CCDC137: variants seen among roughly 807,000 people sequenced by gnomAD.
The protein encoded by CCDC137 is coiled-coil domain containing 137.
A neutral mutation model predicts 30.4 loss-of-function variants in CCDC137; 24 were observed. That is an observed-to-expected ratio of 0.79 (90% confidence interval 0.57 to 1.11). CCDC137 has a LOEUF of 1.11. CCDC137 is among the 50% of genes least tolerant of loss of function. The probability of loss-of-function intolerance (pLI) is 0.00; values close to 1 mark genes in which losing one functional copy is unlikely to be tolerated. For synonymous variants in CCDC137, 182 were observed against 155.7 expected, an observed-to-expected ratio of 1.17 and a Z score of -1.26; for missense variants, 417 against 380.4, an observed-to-expected ratio of 1.10 and a Z score of -0.80.
Position 81,666,753 on chromosome 17 carries a change from C to G in CCDC137, c.-14C>G, listed in dbSNP as rs746276545. ...GGCGGAAGTGGCTTCGCTAGGGAGC[C>G]TCCCGGCGTGGAGATGGCGGGAGCT... On this transcript the variant is annotated 5_prime_UTR_variant, in exon 1 of 6. Coordinates refer to ENST00000329214, the MANE Select transcript of CCDC137 (RefSeq NM_199287.3). 3 of 1,457,248 alleles carry G rather than the reference C, an allele frequency of 2.1e-6. No homozygotes were observed. The highest frequency in any genetic ancestry group is 2.8e-5 in the South Asian group (2 of 70,392). The allele number at this position is 1,457,248 out of a possible 1,614,324, so 90.3% of individuals were successfully genotyped here. A position where few individuals can be genotyped will look rare whatever the true frequency, so the allele number is the denominator to read the frequency against.
At chr17:81,670,537 C>A in intron 3 of CCDC137, 84 bp downstream of exon 3, 1 of 1,204,626 alleles carries the variant, frequency 8.3e-7, no homozygotes, top group Non-Finnish European at 1.2e-6. Flanking sequence ...TCTGCAGGTA[C>A]CCTGTTTCAT....
chr17:81,672,789 GCC>G lies in CCDC137; in HGVS notation c.*86_*87del. Reference sequence around the variant, plus strand: ...CCTGGGTAGGAGAGAGGCAGGCCATGCCAGCAGTGTGGGGTGAGGCCTCCAGC... The same window carrying G: ...CCTGGGTAGGAGAGAGGCAGGCCATGAGCAGTGTGGGGTGAGGCCTCCAGC... On this transcript the variant is annotated 3_prime_UTR_variant, in exon 6 of 6. Transcript: ENST00000329214. 3 of 1,316,028 alleles carry G rather than the reference GCC, an allele frequency of 2.3e-6. No individual in the cohort carries two copies. The highest frequency in any genetic ancestry group is 3.1e-6 in the Non-Finnish European group (3 of 972,232). 81.5% of individuals were successfully genotyped at this position (1,316,028 alleles called of 1,614,324 possible).
intron 1 of CCDC137, 30 bp from the exon 2 acceptor site, chr17:81,667,699 C>A (rs780762835): frequency 5.6e-6 from 9 of 1,611,154 alleles, no homozygotes; most frequent in Non-Finnish European, 7.6e-6. Flanking sequence ...TTACTTGGGA[C>A]GGGTCTCACC....
chr17:81,672,386 C>A (rs900498196), intron 5 of CCDC137, 109 bp from the exon 6 acceptor site: 19 of 1,108,136 alleles, frequency 1.7e-5, no homozygotes, highest in Non-Finnish European at 2.2e-5. Context: ...TGGTGTGTGG[C>A]CTGAGAGTGC....
intron 3 of CCDC137, 145 bp from the exon 4 acceptor site, chr17:81,671,599 A>C (rs2036720140): frequency 5.7e-6 from 4 of 703,384 alleles, no homozygotes; most frequent in Admixed American, 2.4e-5. Context: ...TGGGGTGGTA[A>C]GGGGAGCGGG....
rs1012241003 is a variant in CCDC137, at chr17:81,667,873, G to T, written c.268+11G>T. 1 of 1,609,862 alleles carries T rather than the reference G, an allele frequency of 6.2e-7. No homozygotes were observed. The highest frequency in any genetic ancestry group is 1.3e-5 in the African/African-American group (1 of 74,764). Reference sequence around the variant, plus strand: ...AGAGGAAGAAAGCAGGTGTGTGCAGGCCCATACTGGGCGGCAGTGAAGCTT... The same window carrying T: ...AGAGGAAGAAAGCAGGTGTGTGCAGTCCCATACTGGGCGGCAGTGAAGCTT... On this transcript the variant is annotated intron_variant, in intron 2 of 5. Coordinates refer to ENST00000329214, the MANE Select transcript of CCDC137 (RefSeq NM_199287.3).
At chr17:81,672,454 C>A in intron 5 of CCDC137, 41 bp from the exon 6 acceptor site, 1 of 1,530,616 alleles carries the variant, frequency 6.5e-7, no homozygotes. Flanking sequence ...TGCATCCCCT[C>A]CTTTCCCAGC....
chr17:81,672,478 T>G lies in CCDC137; in HGVS notation c.661-17T>G, dbSNP rs766757722. On this transcript the variant is annotated splice_polypyrimidine_tract_variant and intron_variant, in intron 5 of 5. Coordinates refer to ENST00000329214, the MANE Select transcript of CCDC137 (RefSeq NM_199287.3). ...TCCTTTCCCAGCCTGTGCCTCACCC[T>G]CCCCTCTCTCCCTCAGCCTGGCAGG... 40 of 1,548,246 alleles carry G rather than the reference T, an allele frequency of 2.6e-5. No homozygotes were observed. The highest frequency in any genetic ancestry group is 3.3e-5 in the Non-Finnish European group (38 of 1,146,236).
chr17:81,670,339 G>T lies in CCDC137; in HGVS notation c.383G>T (p.Arg128Leu), dbSNP rs200920452. 13 of 1,613,842 alleles carry T rather than the reference G, an allele frequency of 8.1e-6. No homozygotes were observed. The highest frequency in any genetic ancestry group is 2.2e-5 in the East Asian group (1 of 44,896). Residue 128 changes from arginine (R) to leucine (L), a missense_variant, in exon 3 of 6, where the codon CGC becomes CTC. Physicochemically the swap from Arg to Leu is moderately radical, Grantham distance 102. Coordinates refer to ENST00000329214, the MANE Select transcript of CCDC137 (RefSeq NM_199287.3). ...GAGTCTGACGGGGCCTATATCCACCGCATGCAGCAAGAGGCCCAGCATGTG... is the reference window on the plus strand; with the variant it reads ...GAGTCTGACGGGGCCTATATCCACCTCATGCAGCAAGAGGCCCAGCATGTG... ...KGESDGAYIHRMQQEAQHVLF... is the reference protein window; with the variant it reads ...KGESDGAYIHLMQQEAQHVLF...
intron 5 of CCDC137, among the ~76,000 whole-genome samples, 168 bp downstream of exon 5, chr17:81,672,323 G>C (rs2036728633): frequency 6.6e-6 from 1 of 151,544 alleles, no homozygotes; most frequent in African/African-American, 2.4e-5. Flanking sequence ...GGACAACATA[G>C]CGAGATCCTG....
At position 81,672,698 on chromosome 17, in the gene CCDC137, G is replaced by A; in HGVS notation, c.864G>A (p.Gln288=). 1 of 1,585,878 alleles carries A rather than the reference G, an allele frequency of 6.3e-7. No individual in the cohort carries two copies. Among genetic ancestry groups the A allele is most frequent in the Non-Finnish European group, 8.6e-7 (1 of 1,167,130 alleles). The change falls in exon 6 of 6, where the codon CAG becomes CAA. Residue 288 remains glutamine (Q), a synonymous_variant. Coordinates refer to ENST00000329214, the MANE Select transcript of CCDC137 (RefSeq NM_199287.3). ...HLTSRKKPEP[Q]L is the part of the protein sequence containing the mutation. ...CTTCCCGGAAGAAGCCAGAGCCGCA[G>A]CTGTGATGGAGAGACACCCGGGGCC...
rs748481835 is a variant in CCDC137, at chr17:81,670,355, C to A, written c.399C>A (p.Ala133=). Residue 133 remains alanine (A), a synonymous_variant, in exon 3 of 6, where the codon GCC becomes GCA. Coordinates refer to ENST00000329214, the MANE Select transcript of CCDC137 (RefSeq NM_199287.3). The part of the protein sequence containing the change: ...GAYIHRMQQE[A]QHVLFLSKNQ... The stretch of plus-strand genomic sequence containing the variant: ...ATATCCACCGCATGCAGCAAGAGGC[C>A]CAGCATGTGCTGTTCCTCAGCAAGA... 1 of 1,613,790 alleles carries A rather than the reference C, an allele frequency of 6.2e-7. No homozygotes were observed. Among genetic ancestry groups the A allele is most frequent in the Admixed American group, 1.7e-5 (1 of 60,000 alleles).
At chr17:81,671,562 C>T (rs2036719774) in intron 3 of CCDC137, 182 bp from the exon 4 acceptor site, 5 of 600,428 alleles carry the variant, frequency 8.3e-6, no homozygotes, top group Non-Finnish European at 1.5e-5. Context: ...GGGGTCAGAG[C>T]CTTCTTTGGT....
Position 81,670,289 on chromosome 17 carries a change from C to T in CCDC137, c.333C>T (p.Val111=). The change falls in exon 3 of 6, where the codon GTC becomes GTT. Residue 111 remains valine (V), a synonymous_variant. Transcript: ENST00000329214. The part of the protein sequence containing the change: ...EAKGEEPDIA[V]PKFKQRKGES... ...AGGGAGAGGAGCCCGACATCGCAGT[C>T]CCCAAGTTCAAACAGAGGAAGGGGG... is the stretch of plus-strand genomic sequence containing the variant. 1.2e-6 allele frequency: 2 copies of T among 1,614,054 alleles called. No individual in the cohort carries two copies. Among genetic ancestry groups the T allele is most frequent in the Non-Finnish European group, 1.7e-6 (2 of 1,180,036 alleles).
chr17:81,670,199 C>T, intron 2 of CCDC137, 26 bp from the exon 3 acceptor site: 8 of 1,587,766 alleles, frequency 5.0e-6, no homozygotes, highest in Middle Eastern at 1.7e-4. Context: ...CCTCCTGCCT[C>T]CTCTGAGGCC....
intron 1 of CCDC137, 116 bp downstream of exon 1, chr17:81,667,016 C>T (rs2036641515): frequency 9.1e-7 from 1 of 1,094,516 alleles, no homozygotes; most frequent in African/African-American, 1.6e-5. Flanking sequence ...AGGTCGGGCT[C>T]AGTGCCCTCC....
In CCDC137 at chr17:81,673,082, C is replaced by T. The variant is rs2036741392; in HGVS notation, c.*378C>T. 1.7e-5 allele frequency: 5 copies of T among 290,898 alleles called. No individual in the cohort carries two copies. The highest frequency in any genetic ancestry group is 8.3e-5 in the East Asian group (1 of 12,022). The allele number at this position is 290,898 out of a possible 1,614,324, so 18.0% of individuals were successfully genotyped here. A position where few individuals can be genotyped will look rare whatever the true frequency, so the allele number is the denominator to read the frequency against. ...GGAGGCCCCCGGGAGTCAGCAGAGC[C>T]GAGCGTACAGTGCACATCAGGCAGA... is the stretch of plus-strand genomic sequence containing the variant. On this transcript the variant is annotated 3_prime_UTR_variant, in exon 6 of 6. Coordinates refer to ENST00000329214, the MANE Select transcript of CCDC137 (RefSeq NM_199287.3).
At chr17:81,670,101 C>G in intron 2 of CCDC137, 124 bp from the exon 3 acceptor site, 1 of 716,840 alleles carries the variant, frequency 1.4e-6, no homozygotes, top group South Asian at 1.9e-5. Context: ...CAGCTGCTGT[C>G]GTTGGGGTGC....
Position 81,672,623 on chromosome 17 carries a change from A to G in CCDC137, c.789A>G (p.Arg263=). The G allele has an allele frequency of 1.3e-6, 2 of 1,599,000 alleles. No homozygotes were observed. The highest frequency in any genetic ancestry group is 1.7e-6 in the Non-Finnish European group (2 of 1,173,702). ...EERERAVQAY[R]ALKQRQQQLH... ...GAGAGCGGGCCGTGCAGGCCTACAG[A>G]GCGTTGAAGCAGCGGCAGCAGCAGC... is the stretch of plus-strand genomic sequence containing the variant. The change falls in exon 6 of 6, where the codon AGA becomes AGG. Residue 263 remains arginine, a synonymous_variant. Coordinates refer to ENST00000329214, the MANE Select transcript of CCDC137 (RefSeq NM_199287.3).
Sources: allele counts gnomAD v4.1 joint callset (sites outside exome capture counted in the v4.1 genomes callset), GRCh38; gene constraint gnomAD v4.1.1; transcripts MANE v1.5; gene names NCBI Gene and HGNC (gene_info 2026-07-23, HGNC 2026-07-21).